The following ANK2 variants were observed in gnomAD, a reference collection of about 807,000 sequenced individuals.
ANK2 encodes ankyrin 2.
A neutral mutation model predicts 360.5 loss-of-function variants in ANK2; 83 were observed. That is an observed-to-expected ratio of 0.23 (90% CI 0.19 to 0.28). The LOEUF is 0.28. ANK2 is among the 10% of genes least tolerant of loss of function. The pLI, the probability that ANK2 is intolerant of heterozygous loss-of-function variation, is 1.00. For missense variants in ANK2, 4,201 were observed against 4,795.7 expected (o/e 0.88, Z 3.66); for synonymous variants, 1,740 against 1,759.5 (o/e 0.99, Z 0.28).
chr4:113,126,392 T>C (rs2095661096), intron 1 of ANK2, among the ~76,000 whole-genome samples: 1 of 152,174 alleles, frequency 6.6e-6, no homozygotes, highest in Non-Finnish European at 1.5e-5. Context: ...AGTACAAACT[T>C]CCTTATTTAT....
At chr4:112,883,287 C>T (rs1457379428) in intron 1 of ANK2, among the ~76,000 whole-genome samples, 1 of 151,958 alleles carries the variant, frequency 6.6e-6, no homozygotes, top group Middle Eastern at 3.2e-3. Flanking sequence ...GATCCACCCA[C>T]ATTGGCCTCC....
chr4:113,221,064 AG>A (rs1167902230), intron 4 of ANK2, among the ~76,000 whole-genome samples: 2 of 152,210 alleles, frequency 1.3e-5, no homozygotes, highest in Non-Finnish European at 1.5e-5. Context: ...TGTACTAGAG[AG>A]GAAGATTTGG....
At chr4:112,958,084 G>A (rs1287870249) in intron 2 of ANK2, among the ~76,000 whole-genome samples, 25 of 150,980 alleles carry the variant, frequency 1.7e-4, no homozygotes, top group Non-Finnish European at 3.1e-4. Flanking sequence ...GATGGCGGCC[G>A]GGCAGAGACG....
At chr4:112,706,165 C>T in the ANK2 span, among the ~76,000 whole-genome samples, 1 of 151,758 alleles carries the variant, frequency 6.6e-6, no homozygotes, top group Admixed American at 6.6e-5. Context: ...CCCACCTCCC[C>T]GGCCCCGGAA....
chr4:112,923,976 A>G (rs2092083488), intron 2 of ANK2, among the ~76,000 whole-genome samples: 1 of 152,214 alleles, frequency 6.6e-6, no homozygotes, highest in Admixed American at 6.5e-5. Flanking sequence ...GTAAAAAATG[A>G]AGAATGATAT....
At chr4:113,281,455 A>G (rs2153709966) in intron 17 of ANK2, among the ~76,000 whole-genome samples, 1 of 152,124 alleles carries the variant, frequency 6.6e-6, no homozygotes, top group African/African-American at 2.4e-5. Context: ...TGGGAGGATC[A>G]CTTGAGCCCA....
chr4:112,894,237 T>C (rs2081068760), intron 1 of ANK2, among the ~76,000 whole-genome samples: 5 of 152,144 alleles, frequency 3.3e-5, no homozygotes, highest in Admixed American at 3.3e-4. Context: ...CCCTGTGATA[T>C]GGAAGTGAAT....
intron 20 of ANK2, among the ~76,000 whole-genome samples, chr4:113,289,225 T>TC (rs1200417374): frequency 1.3e-5 from 2 of 150,906 alleles, no homozygotes; most frequent in African/African-American, 2.4e-5. Flanking sequence ...CTTTTTTTTT[T>TC]TTTTTTTTAA....
rs928829512 is a variant in ANK2 at position 113,383,406 on chromosome 4, G to C, written c.*1935G>C. On this transcript the variant is annotated 3_prime_UTR_variant, in exon 46 of 46. Transcript: ENST00000357077. ...GTGAAACTTTTTGAGACACCCTATG[G>C]CCTTCTTGTCAAAACCTTCACTGGA... 2.0e-5 allele frequency: 3 copies of C among 152,536 alleles called. No individual in the cohort carries two copies. The highest frequency in any genetic ancestry group is 2.9e-5 in the Non-Finnish European group (2 of 68,032). The allele number at this position is 152,536 out of a possible 1,614,324, so 9.4% of individuals were successfully genotyped here.
At chr4:113,286,257 T>G (rs901614729) in intron 18 of ANK2, among the ~76,000 whole-genome samples, 2 of 152,210 alleles carry the variant, frequency 1.3e-5, no homozygotes, top group Non-Finnish European at 2.9e-5. Context: ...ATTCACATTT[T>G]TTATACATTA....
the ANK2 span, among the ~76,000 whole-genome samples, chr4:112,772,105 G>C: frequency 1.3e-5 from 2 of 152,092 alleles, no homozygotes; most frequent in African/African-American, 4.8e-5. Context: ...GTCTATATTA[G>C]TCCATTTTCA....
the ANK2 span, among the ~76,000 whole-genome samples, chr4:112,763,440 G>A: frequency 6.6e-6 from 1 of 151,494 alleles, no homozygotes; most frequent in Non-Finnish European, 1.5e-5. Flanking sequence ...CACCGTGTTA[G>A]CCAGGATGGT....
chr4:113,057,884 C>T (rs313984), intron 1 of ANK2, among the ~76,000 whole-genome samples: 31,737 of 151,898 alleles, frequency 0.21, 5,750 homozygotes, highest in African/African-American at 0.49. Flanking sequence ...CTGGTTTGTC[C>T]CTTTGGGTTT....
chr4:113,006,221 A>G (rs963836558), intron 2 of ANK2, among the ~76,000 whole-genome samples: 2 of 152,206 alleles, frequency 1.3e-5, no homozygotes, highest in Admixed American at 6.5e-5. Context: ...GATAGCCCAA[A>G]CAACCTGACT....
rs1280878773 is a variant in ANK2, at chr4:113,355,428, C to A, written c.6810C>A (p.Thr2270=). The change falls in exon 38 of 46, where the codon ACC becomes ACA. Residue 2270 remains threonine, a synonymous_variant. Coordinates refer to ENST00000357077, the MANE Select transcript of ANK2 (RefSeq NM_001148.6). Reference sequence around the variant, plus strand: ...AGGAAAGCACCAAGACAGAAACCACCACAGAAATTCGTTCAGAAAAAGAGC... The same window carrying A: ...AGGAAAGCACCAAGACAGAAACCACAACAGAAATTCGTTCAGAAAAAGAGC... ...ETKESTKTET[T]TEIRSEKEHP... 1 of 1,613,912 alleles carries A rather than the reference C, an allele frequency of 6.2e-7. No homozygotes were observed. The highest frequency in any genetic ancestry group is 8.5e-7 in the Non-Finnish European group (1 of 1,179,972).
In ANK2 at chr4:113,347,424, G is replaced by A. The variant is rs113994279; in HGVS notation, c.4372-852G>A. On this transcript the variant is annotated intron_variant, in intron 35 of 45. Transcript: ENST00000357077. ...GTGGAGGCAGTATGCCAATAAGAAC[G>A]ACAAAGAAATATGTACTGCTGCGGG... Among the ~76,000 whole-genome samples, 518 of 152,202 alleles carry A rather than the reference G, an allele frequency of 3.4e-3. 1 individual carries two copies. Among genetic ancestry groups the A allele is most frequent in the African/African-American group, 7.5e-3 (311 of 41,546 alleles).
chr4:113,382,360 C>T lies in ANK2; in HGVS notation c.*889C>T, dbSNP rs1313570437. ...AGGGGAGAAGGGAGCAGAGGCCACG[C>T]AGAATGAACCGATGGGGTATTCAGT... is the stretch of plus-strand genomic sequence containing the variant. On this transcript the variant is annotated 3_prime_UTR_variant, in exon 46 of 46. Transcript: ENST00000357077. The T allele has an allele frequency of 6.5e-6, 1 of 153,030 alleles. No individual in the cohort carries two copies. Among genetic ancestry groups the T allele is most frequent in the African/African-American group, 2.4e-5 (1 of 41,448 alleles). The allele number at this position is 153,030 out of a possible 1,614,324, so 9.5% of individuals were successfully genotyped here. A position where few individuals can be genotyped will look rare whatever the true frequency, so the allele number is the denominator to read the frequency against.
intron 2 of ANK2, among the ~76,000 whole-genome samples, chr4:112,990,258 G>T (rs2046309577): frequency 6.6e-6 from 1 of 152,060 alleles, no homozygotes; most frequent in Non-Finnish European, 1.5e-5. Flanking sequence ...GACAGAGTGA[G>T]ACCCTGTCTC....
rs112062392 is a variant in ANK2, at chr4:113,340,676, G to A, written c.3894-1012G>A. On this transcript the variant is annotated intron_variant, in intron 32 of 45. Transcript: ENST00000357077. ...TGCGTCACTGCACTCCAGCCTGGGCGACAGAGACGTTGTCTCAAAAACAAA... is the reference window on the plus strand; with the variant it reads ...TGCGTCACTGCACTCCAGCCTGGGCAACAGAGACGTTGTCTCAAAAACAAA... Among the ~76,000 whole-genome samples, 2,714 of 152,058 alleles carry A rather than the reference G, an allele frequency of 0.018. 91 individuals carry two copies. The highest frequency in any genetic ancestry group is 0.062 in the African/African-American group (2,566 of 41,462).
Sources: gnomAD v4.1 joint callset for allele counts (sites outside exome capture counted in the v4.1 genomes callset) on GRCh38, gnomAD v4.1.1 for gene constraint, MANE v1.5 for transcripts, NCBI Gene and HGNC (gene_info 2026-07-23, HGNC 2026-07-21) for gene names.